Variants in LAMC1 observed in about 807,000 individuals in gnomAD.
The protein encoded by LAMC1 is laminin subunit gamma-1.
In LAMC1, 38 loss-of-function variants were observed where a neutral mutation model predicts 173.6. The observed-to-expected ratio is 0.22, with a 90% CI of 0.17 to 0.29. LAMC1 has a LOEUF of 0.29. Among genes scored for constraint, LAMC1 ranks in the 10% least tolerant of loss-of-function variants. The pLI, the probability that LAMC1 is intolerant of heterozygous loss-of-function variation, is 1.00. For synonymous variants in LAMC1, 746 were observed against 749.1 expected (o/e 1.00, Z 0.07); for missense variants, 1,824 against 2,051.8 (o/e 0.89, Z 2.14).
chr1:183,053,736 G>GT lies in LAMC1; in HGVS notation c.418+29603dup, dbSNP rs150466316. Among the ~76,000 whole-genome samples, 1,395 of 151,792 alleles carry GT rather than the reference G, an allele frequency of 9.2e-3. 14 individuals are homozygous for GT. The highest frequency in any genetic ancestry group is 0.032 in the African/African-American group (1,331 of 41,374). On this transcript the variant is annotated intron_variant, in intron 1 of 27. Transcript: ENST00000258341. The stretch of plus-strand genomic sequence containing the variant: ...CATCTCCTGGGCTCAAACGATTCTT[G>GT]TGCTTCAGCCTCTTGAGTAGCTGGG...
intron 11 of LAMC1, among the ~76,000 whole-genome samples, chr1:183,121,323 G>A (rs1179533577): frequency 6.6e-6 from 1 of 152,160 alleles, no homozygotes; most frequent in Non-Finnish European, 1.5e-5. Context: ...CTGCTTGGGA[G>A]GCTGAGACAG....
chr1:183,069,921 G>C (rs2102039613), intron 1 of LAMC1, among the ~76,000 whole-genome samples: 1 of 152,288 alleles, frequency 6.6e-6, no homozygotes, highest in Middle Eastern at 3.4e-3. Context: ...GGCATTCCAG[G>C]TAGATAGTGT....
chr1:183,033,465 A>T (rs1190993172), intron 1 of LAMC1, among the ~76,000 whole-genome samples: 1 of 152,150 alleles, frequency 6.6e-6, no homozygotes, highest in Non-Finnish European at 1.5e-5. Flanking sequence ...GGTTTAGAGA[A>T]TTCTTTAAGA....
In LAMC1 at chr1:183,136,531, A is replaced by G; in HGVS notation, c.4260A>G (p.Thr1420=). Residue 1420 remains threonine, a synonymous_variant, in exon 25 of 28, where the codon ACA becomes ACG. Coordinates refer to ENST00000258341, the MANE Select transcript of LAMC1 (RefSeq NM_002293.4). ...TGGGCAGTGCTGCGGCGGATGCCAC[A>G]GAGGCCAAGAACAAGGCCCATGAGG... The part of the protein sequence containing the change: ...QALGSAAADA[T]EAKNKAHEAE... 6.2e-7 allele frequency: 1 copy of G among 1,613,968 alleles called. No individual in the cohort carries two copies. The highest frequency in any genetic ancestry group is 1.3e-5 in the African/African-American group (1 of 75,076).
chr1:183,140,376 G>A (rs1047396719), intron 26 of LAMC1, 28 bp from the exon 27 acceptor site: 2 of 1,408,364 alleles, frequency 1.4e-6, no homozygotes, highest in Non-Finnish European at 1.0e-6. Context: ...ATACAGTCAA[G>A]ACTCTTTGCC....
chr1:183,121,907 C>T lies in LAMC1; in HGVS notation c.2175C>T (p.Ala725=). 1 of 1,614,198 alleles carries T rather than the reference C, an allele frequency of 6.2e-7. No individual in the cohort carries two copies. The highest frequency in any genetic ancestry group is 8.5e-7 in the Non-Finnish European group (1 of 1,180,040). ...LGPYSPCVLC[A]CNGHSETCDP... ...CATACAGTCCATGTGTGCTTTGCGC[C>T]TGCAATGGACACAGCGAGACCTGTG... is the stretch of plus-strand genomic sequence containing the variant. Residue 725 remains alanine (A), a synonymous_variant, in exon 12 of 28, where the codon GCC becomes GCT. Coordinates refer to ENST00000258341, the MANE Select transcript of LAMC1 (RefSeq NM_002293.4).
At chr1:183,119,416 C>T (rs999715566) in intron 11 of LAMC1, among the ~76,000 whole-genome samples, 2 of 151,904 alleles carry the variant, frequency 1.3e-5, no homozygotes, top group Non-Finnish European at 2.9e-5. Flanking sequence ...TTAGGACTAG[C>T]GATCCAGATT....
intron 1 of LAMC1, among the ~76,000 whole-genome samples, chr1:183,080,287 T>C (rs2102049455): frequency 6.6e-6 from 1 of 152,326 alleles, no homozygotes; most frequent in South Asian, 2.1e-4. Context: ...TACTAGCTAT[T>C]TTTTCCACAG....
chr1:183,144,070 C>G lies in LAMC1; in HGVS notation c.*1280C>G, dbSNP rs1657190934. ...CCCTTACGTGGAGTTTCCTAGTGGG[C>G]TTCTCAACTTTTGATCCTCAGCTCT... On this transcript the variant is annotated 3_prime_UTR_variant, in exon 28 of 28. Coordinates refer to ENST00000258341, the MANE Select transcript of LAMC1 (RefSeq NM_002293.4). 1 of 152,510 alleles carries G rather than the reference C, an allele frequency of 6.6e-6. No homozygotes were observed. The highest frequency in any genetic ancestry group is 6.5e-5 in the Admixed American group (1 of 15,276). The allele number at this position is 152,510 out of a possible 1,614,324, so 9.4% of individuals were successfully genotyped here.
chr1:183,057,109 T>C (rs1412966963), intron 1 of LAMC1, among the ~76,000 whole-genome samples: 1 of 152,198 alleles, frequency 6.6e-6, no homozygotes, highest in Non-Finnish European at 1.5e-5. Context: ...GCAATCCGTA[T>C]TGAGATTCTT....
chr1:183,025,757 A>G (rs1442141921), intron 1 of LAMC1, among the ~76,000 whole-genome samples: 2 of 152,266 alleles, frequency 1.3e-5, no homozygotes, highest in Non-Finnish European at 2.9e-5. Flanking sequence ...ATTTTCAAAG[A>G]AAAGGCGTTG....
intron 1 of LAMC1, among the ~76,000 whole-genome samples, chr1:183,043,009 G>A (rs1013569142): frequency 8.5e-5 from 13 of 152,332 alleles, no homozygotes; most frequent in African/African-American, 2.9e-4. Context: ...AGGAATGAGA[G>A]TTCCAGAAGT....
intron 4 of LAMC1, among the ~76,000 whole-genome samples, chr1:183,112,685 G>C (rs1256195253): frequency 6.6e-6 from 1 of 152,120 alleles, no homozygotes; most frequent in Non-Finnish European, 1.5e-5. Flanking sequence ...CAGAACATCA[G>C]ATCTTCAGGT....
chr1:183,125,939 C>CT (rs1313656237), intron 15 of LAMC1, among the ~76,000 whole-genome samples, 181 bp from the exon 16 acceptor site: 1 of 152,136 alleles, frequency 6.6e-6, no homozygotes, highest in Non-Finnish European at 1.5e-5. Flanking sequence ...CTGAATAGCA[C>CT]TCATGAAAAT....
At chr1:183,099,325 A>G (rs1482049362) in intron 1 of LAMC1, among the ~76,000 whole-genome samples, 1 of 152,024 alleles carries the variant, frequency 6.6e-6, no homozygotes, top group Non-Finnish European at 1.5e-5. Context: ...CCTGACCTCA[A>G]GTGATCTGCC....
chr1:183,059,228 T>C (rs1339623760), intron 1 of LAMC1, among the ~76,000 whole-genome samples: 5 of 152,230 alleles, frequency 3.3e-5, no homozygotes, highest in African/African-American at 1.2e-4. Flanking sequence ...GCTTCATTGT[T>C]GATGCTGTTA....
chr1:183,045,744 C>G (rs927433218), intron 1 of LAMC1, among the ~76,000 whole-genome samples: 2 of 151,946 alleles, frequency 1.3e-5, no homozygotes, highest in African/African-American at 4.8e-5. Flanking sequence ...CAAATTGTTT[C>G]CCAGAGTGAT....
At chr1:183,053,164 A>T (rs10911211) in intron 1 of LAMC1, among the ~76,000 whole-genome samples, 51,257 of 152,064 alleles carry the variant, frequency 0.34, 9,735 homozygotes, top group East Asian at 0.49. Context: ...CAGTGCGTTA[A>T]ATGTAAAAAC....
intron 25 of LAMC1, among the ~76,000 whole-genome samples, chr1:183,137,099 C>G: frequency 6.6e-6 from 1 of 152,130 alleles, no homozygotes; most frequent in Non-Finnish European, 1.5e-5. Flanking sequence ...CAAGGTCAAT[C>G]TGTTTGTTTT....
Sources: gnomAD v4.1 joint callset for allele counts (sites outside exome capture counted in the v4.1 genomes callset) on GRCh38, gnomAD v4.1.1 for gene constraint, MANE v1.5 for transcripts, NCBI Gene and HGNC (gene_info 2026-07-23, HGNC 2026-07-21) for gene names.